The following DIP2C variants were observed in gnomAD, a reference collection of about 807,000 sequenced individuals.
The protein encoded by DIP2C is disco-interacting protein 2 homolog C.
In DIP2C, 33 loss-of-function variants were observed where a neutral mutation model predicts 192.4. The observed-to-expected ratio is 0.17, with a 90% CI of 0.13 to 0.23. The LOEUF (loss-of-function observed/expected upper bound fraction) is 0.23. DIP2C is among the 10% of genes least tolerant of loss of function. The probability of loss-of-function intolerance (pLI) is 1.00; values close to 1 mark genes in which losing one functional copy is unlikely to be tolerated. For missense variants in DIP2C, 1,537 were observed against 2,110.1 expected (o/e 0.73, Z 5.32); for synonymous variants, 979 against 864.1 (o/e 1.13, Z -2.33).
chr10:429,217 C>A (rs1376122137), intron 4 of DIP2C, among the ~76,000 whole-genome samples: 3 of 126,416 alleles, frequency 2.4e-5, no homozygotes, highest in Non-Finnish European at 5.0e-5. Flanking sequence ...CCCCCCGGAC[C>A]CTGGCTGCCT....
Position 583,326 on chromosome 10 carries a change from T to A in DIP2C, c.86-96796A>T, listed in dbSNP as rs58248801. 1.0e-3 allele frequency among the ~76,000 whole-genome samples: 158 copies of A among 152,278 alleles called. 2 individuals are homozygous for A. Among genetic ancestry groups the A allele is most frequent in the African/African-American group, 3.2e-3 (134 of 41,526 alleles). On this transcript the variant is annotated intron_variant, in intron 1 of 36. Coordinates refer to ENST00000280886, the MANE Select transcript of DIP2C (RefSeq NM_014974.3). ...AGAAAGAGAATTATAGGATAGCTAG[T>A]TGGGAACATTTTTTTAAAAAGTTTA... is the stretch of plus-strand genomic sequence containing the variant.
At chr10:603,930 T>TC in intron 1 of DIP2C, among the ~76,000 whole-genome samples, 1 of 40,080 alleles carries the variant, frequency 2.5e-5, no homozygotes, top group Admixed American at 3.1e-4. Flanking sequence ...CCCACACCCC[T>TC]CCGGCCCGGC....
intron 10 of DIP2C, among the ~76,000 whole-genome samples, chr10:393,858 T>TCA (rs112730685): frequency 5.0e-5 from 6 of 119,896 alleles, no homozygotes; most frequent in Non-Finnish European, 1.0e-4. Context: ...CAAGGAGACA[T>TCA]CACCTCACAT....
intron 1 of DIP2C, among the ~76,000 whole-genome samples, chr10:510,616 G>A (rs968272998): frequency 5.3e-5 from 8 of 152,238 alleles, no homozygotes; most frequent in African/African-American, 1.9e-4. Flanking sequence ...AGCGAAGACA[G>A]CAGAGCAATG....
chr10:364,245 C>T, intron 20 of DIP2C, 129 bp downstream of exon 20: 1 of 1,117,170 alleles, frequency 9.0e-7, no homozygotes, highest in African/African-American at 1.6e-5. Context: ...CCAGTTGCTT[C>T]AATAACATGG....
At chr10:397,974 C>T (rs983480024) in intron 10 of DIP2C, among the ~76,000 whole-genome samples, 1 of 152,204 alleles carries the variant, frequency 6.6e-6, no homozygotes, top group Non-Finnish European at 1.5e-5. Context: ...TTAAAACAGA[C>T]ACCTCCAGAC....
At chr10:522,279 G>A (rs1430207011) in intron 1 of DIP2C, among the ~76,000 whole-genome samples, 2 of 152,148 alleles carry the variant, frequency 1.3e-5, no homozygotes, top group African/African-American at 4.8e-5. Context: ...TTTTAGTGTT[G>A]AATAATATCC....
At chr10:484,834 C>CGAGCCG (rs755516085) in intron 2 of DIP2C, 51 of 1,611,056 alleles carry the variant, frequency 3.2e-5, no homozygotes, top group Non-Finnish European at 4.2e-5. Context: ...CACCCGCTCC[C>CGAGCCG]GAGCCGCAGC....
At chr10:390,629 C>T in intron 11 of DIP2C, 111 bp downstream of exon 11, 1 of 1,508,476 alleles carries the variant, frequency 6.6e-7, no homozygotes, top group Middle Eastern at 2.3e-4. Context: ...GGGTCTGTGA[C>T]TGACGTTTCA....
chr10:593,064 T>G (rs1851493955), intron 1 of DIP2C, among the ~76,000 whole-genome samples: 1 of 152,152 alleles, frequency 6.6e-6, no homozygotes, highest in Non-Finnish European at 1.5e-5. Context: ...GCTTACAAAT[T>G]ATGCCAGTAG....
Position 399,205 on chromosome 10 carries a change from G to C in DIP2C, c.1164C>G (p.Phe388Leu). 1 of 1,614,072 alleles carries C rather than the reference G, an allele frequency of 6.2e-7. No homozygotes were observed. The highest frequency in any genetic ancestry group is 1.1e-5 in the South Asian group (1 of 91,086). The change falls in exon 10 of 37, where the codon TTC becomes TTG. Residue 388 changes from phenylalanine to leucine, a missense_variant. Transcript: ENST00000280886. ...VRPGDRVALV[F>L]PNNDPAAFMA... ...TGAAGGCAGCCGGATCATTGTTGGG[G>C]AACACCAGTGCCACCTGTGGGACAG...
chr10:387,843 T>C, intron 13 of DIP2C, 34 bp from the exon 14 acceptor site: 1 of 1,610,362 alleles, frequency 6.2e-7, no homozygotes, highest in Non-Finnish European at 8.5e-7. Flanking sequence ...GATTTTTACT[T>C]AGGACAGGGC....
At chr10:293,981 T>C (rs565115538) in intron 32 of DIP2C, among the ~76,000 whole-genome samples, 50 of 152,082 alleles carry the variant, frequency 3.3e-4, no homozygotes, top group Non-Finnish European at 5.7e-4. Context: ...CAGAGGAATG[T>C]TTTCATCTAA....
At chr10:523,369 CTG>C (rs1174294274) in intron 1 of DIP2C, among the ~76,000 whole-genome samples, 7 of 145,514 alleles carry the variant, frequency 4.8e-5, no homozygotes, top group South Asian at 2.2e-4. Context: ...TGCAGGGACT[CTG>C]TGTCACCCAC....
chr10:290,253 A>G (rs1955421821), intron 32 of DIP2C, among the ~76,000 whole-genome samples: 2 of 152,240 alleles, frequency 1.3e-5, no homozygotes, highest in African/African-American at 4.8e-5. Flanking sequence ...AACAGCTCAC[A>G]TGATTCAAAC....
chr10:463,781 G>A (rs1486217918), intron 3 of DIP2C, among the ~76,000 whole-genome samples: 1 of 152,078 alleles, frequency 6.6e-6, no homozygotes. Flanking sequence ...CATGGTACTG[G>A]TACCAAAATA....
At chr10:407,378 C>T (rs1050335456) in intron 9 of DIP2C, among the ~76,000 whole-genome samples, 2 of 152,132 alleles carry the variant, frequency 1.3e-5, no homozygotes, top group South Asian at 4.1e-4. Context: ...TTGTGTGAGT[C>T]GGCTGCTATG....
intron 4 of DIP2C, among the ~76,000 whole-genome samples, chr10:438,126 A>G (rs950225580): frequency 1.3e-5 from 2 of 152,246 alleles, no homozygotes; most frequent in Non-Finnish European, 2.9e-5. Flanking sequence ...TCAAATCCAA[A>G]TATTTCACAA....
rs117294858 is a variant in DIP2C at position 581,357 on chromosome 10, C to T, written c.86-94827G>A. Among the ~76,000 whole-genome samples the T allele has an allele frequency of 9.1e-3, 1,379 of 152,302 alleles. 9 individuals are homozygous for T. Among genetic ancestry groups the T allele is most frequent in the Non-Finnish European group, 0.015 (1,037 of 68,032 alleles). Reference sequence around the variant, plus strand: ...AACAGTGGCCACTGTTGACAAAATACAGGCAGTCTTCTGCAAATATGAGTT... The same window carrying T: ...AACAGTGGCCACTGTTGACAAAATATAGGCAGTCTTCTGCAAATATGAGTT... On this transcript the variant is annotated intron_variant, in intron 1 of 36. Coordinates refer to ENST00000280886, the MANE Select transcript of DIP2C (RefSeq NM_014974.3).
Sources: allele counts gnomAD v4.1 joint callset (sites outside exome capture counted in the v4.1 genomes callset), GRCh38; gene constraint gnomAD v4.1.1; transcripts MANE v1.5; gene names NCBI Gene and HGNC (gene_info 2026-07-23, HGNC 2026-07-21).